Variants in UNC13C observed in about 807,000 individuals in gnomAD.
The protein encoded by UNC13C is protein unc-13 homolog C.
A neutral mutation model predicts 245.4 loss-of-function variants in UNC13C; 174 were observed. The ratio of observed to expected loss-of-function variants is 0.71; its 90% CI spans 0.63 to 0.80. The LOEUF is 0.80. Among genes scored for constraint, UNC13C ranks in the 30% least tolerant of loss-of-function variants. UNC13C has a pLI of 0.00. For synonymous variants in UNC13C, 992 were observed against 895.1 expected (o/e 1.11, Z -1.93); for missense variants, 2,829 against 2,602.9 (o/e 1.09, Z -1.89).
chr15:54,111,457 T>C (rs1258831493), intron 2 of UNC13C, among the ~76,000 whole-genome samples: 1 of 152,198 alleles, frequency 6.6e-6, no homozygotes, highest in Non-Finnish European at 1.5e-5. Flanking sequence ...ACATCATAAC[T>C]GTTCTACTTG....
intron 1 of UNC13C, among the ~76,000 whole-genome samples, chr15:54,002,332 T>A (rs984226200): frequency 1.3e-5 from 2 of 151,672 alleles, no homozygotes; most frequent in East Asian, 3.9e-4. Context: ...CCTAACTGTA[T>A]GTTTGAGTAA....
chr15:54,626,295 G>A (rs1901139735), intron 32 of UNC13C, among the ~76,000 whole-genome samples: 1 of 100,768 alleles, frequency 9.9e-6, no homozygotes, highest in Non-Finnish European at 2.5e-5. Context: ...TGCTGGAATT[G>A]ATTTACTCTG....
intron 17 of UNC13C, among the ~76,000 whole-genome samples, chr15:54,356,606 G>A (rs2039101000): frequency 6.6e-6 from 1 of 152,158 alleles, no homozygotes; most frequent in Non-Finnish European, 1.5e-5. Context: ...AGGGGCAAAA[G>A]CAGCTTTCAG....
chr15:54,087,759 G>A (rs570163248), intron 2 of UNC13C, among the ~76,000 whole-genome samples: 1 of 152,054 alleles, frequency 6.6e-6, no homozygotes, highest in East Asian at 1.9e-4. Context: ...CTACGAAGCT[G>A]GATTAAATAT....
At chr15:54,300,061 T>G (rs2037535238) in intron 12 of UNC13C, 149 bp from the exon 13 acceptor site, 1 of 722,050 alleles carries the variant, frequency 1.4e-6, no homozygotes, top group Non-Finnish European at 2.2e-6. Flanking sequence ...TGAGTTAGAA[T>G]AAAAATTCAA....
At chr15:54,582,206 ATAT>A (rs1392760421) in intron 30 of UNC13C, among the ~76,000 whole-genome samples, 3 of 152,200 alleles carry the variant, frequency 2.0e-5, no homozygotes, top group Non-Finnish European at 2.9e-5. Flanking sequence ...AAGATGATAA[ATAT>A]TATTAAAATC....
intron 7 of UNC13C, 22 bp from the exon 8 acceptor site, chr15:54,250,203 G>C: frequency 1.2e-6 from 2 of 1,608,602 alleles, no homozygotes; most frequent in South Asian, 2.2e-5. Context: ...CGGTGCATTG[G>C]TAACTTCTCT....
intron 10 of UNC13C, among the ~76,000 whole-genome samples, chr15:54,273,267 C>G (rs2036735932): frequency 6.6e-6 from 1 of 152,154 alleles, no homozygotes; most frequent in African/African-American, 2.4e-5. Context: ...GTTTATTCCT[C>G]TCTTCTTCTC....
chr15:54,369,510 A>G (rs2140880072), intron 17 of UNC13C, among the ~76,000 whole-genome samples: 1 of 152,266 alleles, frequency 6.6e-6, no homozygotes, highest in Non-Finnish European at 1.5e-5. Flanking sequence ...TGCACCACAA[A>G]TTTTATATCT....
chr15:54,101,571 T>TCCTCATTATCCTCCC (rs1373794876), intron 2 of UNC13C, among the ~76,000 whole-genome samples: 1 of 151,664 alleles, frequency 6.6e-6, no homozygotes, highest in African/African-American at 2.4e-5. Context: ...TATTTGCTCC[T>TCCTCATTATCCTCCC]CCTCATTATC....
intron 13 of UNC13C, among the ~76,000 whole-genome samples, chr15:54,300,681 C>T (rs1046608907): frequency 2.6e-5 from 4 of 152,140 alleles, no homozygotes; most frequent in African/African-American, 9.7e-5. Flanking sequence ...GAATCAGAAA[C>T]TCTGAGGGTG....
chr15:53,885,150 C>T, the UNC13C span, among the ~76,000 whole-genome samples: 1 of 152,236 alleles, frequency 6.6e-6, no homozygotes, highest in African/African-American at 2.4e-5. Context: ...AGTAGGGCGC[C>T]TTGTCAGGCT....
chr15:54,349,311 G>A (rs2038928765), intron 17 of UNC13C, among the ~76,000 whole-genome samples: 1 of 151,374 alleles, frequency 6.6e-6, no homozygotes, highest in Admixed American at 6.6e-5. Context: ...AAAATTCAGA[G>A]CCTGAAAAAT....
chr15:54,177,900 T>A (rs1258629118), intron 4 of UNC13C, among the ~76,000 whole-genome samples: 1 of 152,058 alleles, frequency 6.6e-6, no homozygotes, highest in African/African-American at 2.4e-5. Context: ...TTATTAAACA[T>A]TTTTTCTCAT....
intron 13 of UNC13C, among the ~76,000 whole-genome samples, chr15:54,313,406 T>C (rs2037925404): frequency 1.3e-5 from 2 of 151,800 alleles, no homozygotes; most frequent in South Asian, 4.1e-4. Context: ...TCAATTAGTA[T>C]GCACAAGAAA....
At chr15:54,531,284 C>A (rs1345076443) in intron 25 of UNC13C, among the ~76,000 whole-genome samples, 6 of 152,134 alleles carry the variant, frequency 3.9e-5, no homozygotes, top group African/African-American at 1.4e-4. Flanking sequence ...AAAGTGACTG[C>A]TGATGGAGAA....
At chr15:54,150,756 A>G (rs949865885) in intron 4 of UNC13C, among the ~76,000 whole-genome samples, 4 of 151,956 alleles carry the variant, frequency 2.6e-5, no homozygotes, top group African/African-American at 9.7e-5. Context: ...GATCTATGAG[A>G]CCTCACAACC....
At chr15:54,043,578 G>A (rs1896903659) in intron 2 of UNC13C, among the ~76,000 whole-genome samples, 1 of 152,154 alleles carries the variant, frequency 6.6e-6, no homozygotes, top group South Asian at 2.1e-4. Flanking sequence ...AGAGGAGTTT[G>A]TAAACATCCA....
intron 2 of UNC13C, among the ~76,000 whole-genome samples, chr15:54,032,746 G>GT: frequency 1.3e-5 from 2 of 152,234 alleles, no homozygotes; most frequent in African/African-American, 4.8e-5. Context: ...CTAGAAACTG[G>GT]TTCTCCTCAT....
Sources: allele counts gnomAD v4.1 joint callset (sites outside exome capture counted in the v4.1 genomes callset), GRCh38; gene constraint gnomAD v4.1.1; transcripts MANE v1.5; gene names NCBI Gene and HGNC (gene_info 2026-07-23, HGNC 2026-07-21).